TSNARE1: variants seen among roughly 807,000 people sequenced by gnomAD.
TSNARE1 encodes t-SNARE domain containing 1, also known as t-SNARE domain-containing protein 1.
A neutral mutation model predicts 62.0 loss-of-function variants in TSNARE1; 49 were observed. That is an observed-to-expected ratio of 0.79 (90% CI 0.63 to 1.00). The LOEUF (loss-of-function observed/expected upper bound fraction) is 1.00. Among genes scored for constraint, TSNARE1 ranks in the 50% least tolerant of loss-of-function variants. TSNARE1 has a pLI of 0.00. For synonymous variants in TSNARE1, 328 were observed against 294.4 expected, an observed-to-expected ratio of 1.11 and a Z score of -1.17; for missense variants, 755 against 700.1, an observed-to-expected ratio of 1.08 and a Z score of -0.88.
At chr8:142,229,257 T>G (rs545049519) in intron 13 of TSNARE1, among the ~76,000 whole-genome samples, 1 of 150,018 alleles carries the variant, frequency 6.7e-6, no homozygotes, top group East Asian at 2.0e-4. Context: ...AATGGATGGA[T>G]GGTGGATGGG....
chr8:142,285,398 G>A (rs1822548945), intron 10 of TSNARE1, among the ~76,000 whole-genome samples: 1 of 149,546 alleles, frequency 6.7e-6, no homozygotes. Context: ...ATGGATGGAT[G>A]GGTGGGTGGG....
At chr8:142,222,699 TCCAC>T (rs1563755827) in intron 13 of TSNARE1, among the ~76,000 whole-genome samples, 1 of 10,814 alleles carries the variant, frequency 9.2e-5, no homozygotes, top group Non-Finnish European at 2.3e-4. Context: ...CACTCACTCA[TCCAC>T]TCACTCACTC....
intron 12 of TSNARE1, chr8:142,270,499 TA>T (rs1239447698): frequency 2.4e-5 from 22 of 904,734 alleles, no homozygotes; most frequent in East Asian, 1.2e-4. Flanking sequence ...TATATATATA[TA>T]TATTTATGTA....
rs74362770 is a variant in TSNARE1, at chr8:142,390,616, G to A, written c.-40+12488C>T. 1.2e-4 allele frequency among the ~76,000 whole-genome samples: 4 copies of A among 33,050 alleles called. No individual in the cohort carries two copies. The Admixed American group carries it at 1.4e-3, about 12-fold the overall frequency. The allele number at this position is 33,050 out of a possible 152,430, so 21.7% of individuals were successfully genotyped here. On this transcript the variant is annotated intron_variant, in intron 1 of 13. Transcript: ENST00000524325. ...GCTGTACACTGCTGGGGACTCCATAGCAGACGCTGTACACTGCGGGGGACT... is the reference window on the plus strand; with the variant it reads ...GCTGTACACTGCTGGGGACTCCATAACAGACGCTGTACACTGCGGGGGACT...
At position 142,291,362 on chromosome 8, in the gene TSNARE1, G is replaced by A. The variant is rs1030563172; in HGVS notation, c.1291-6877C>T. Among the ~76,000 whole-genome samples the A allele has an allele frequency of 3.3e-5, 5 of 152,122 alleles. No homozygotes were observed. The highest frequency in any genetic ancestry group is 7.3e-5 in the Non-Finnish European group (5 of 68,048). ...AGCGATGGGCCTGCTCCAAGCCACC[G>A]TCATCTCTGACAAAATCAGAACGTA... On this transcript the variant is annotated intron_variant, in intron 10 of 13. Coordinates refer to ENST00000524325, the MANE Select transcript of TSNARE1 (RefSeq NM_145003.5). The surrounding 1 kb of genome is among the most constrained non-coding windows in gnomAD (Gnocchi z 4.8).
At chr8:142,258,333 A>T (rs1181846228) in intron 12 of TSNARE1, among the ~76,000 whole-genome samples, 7 of 152,092 alleles carry the variant, frequency 4.6e-5, no homozygotes, top group Non-Finnish European at 1.0e-4. Context: ...AAATGCACGC[A>T]CCCGCCCACT....
Position 142,344,400 on chromosome 8 carries a change from T to C in TSNARE1, c.311A>G (p.Asp104Gly). The C allele has an allele frequency of 6.3e-7, 1 of 1,587,338 alleles. No homozygotes were observed. Among genetic ancestry groups the C allele is most frequent in the Non-Finnish European group, 8.6e-7 (1 of 1,168,446 alleles). ...CCGGCCATGGGGCCCAGCAGCCGAG[T>C]CCTTCCTCGGGCCAATGGTGGGTGA... ...TSSPTIGPRK[D>G]SAAGPHGRMA... Residue 104 changes from aspartate (D) to glycine (G), a missense_variant, in exon 4 of 14, where the codon GAC becomes GGC. Asp to Gly is a moderately conservative substitution (Grantham distance 94). Transcript: ENST00000524325.
At chr8:142,384,566 C>T (rs1836984988) in intron 1 of TSNARE1, among the ~76,000 whole-genome samples, 2 of 152,170 alleles carry the variant, frequency 1.3e-5, no homozygotes, top group Non-Finnish European at 2.9e-5. Flanking sequence ...CATGCTAAGA[C>T]TATTCAGTGA....
At chr8:142,333,069 CG>C (rs1414061711) in intron 4 of TSNARE1, among the ~76,000 whole-genome samples, 1 of 152,206 alleles carries the variant, frequency 6.6e-6, no homozygotes, top group Non-Finnish European at 1.5e-5. Context: ...AGGCAATCCC[CG>C]GGGCCTCTGG....
chr8:142,318,353 G>A (rs370788744), intron 7 of TSNARE1, among the ~76,000 whole-genome samples, 191 bp downstream of exon 7: 57 of 152,334 alleles, frequency 3.7e-4, no homozygotes, highest in East Asian at 2.7e-3. Flanking sequence ...GTCAGCACAC[G>A]GCTGCTGCCT....
At chr8:142,362,738 C>G (rs929974766) in intron 1 of TSNARE1, among the ~76,000 whole-genome samples, 7 of 152,196 alleles carry the variant, frequency 4.6e-5, no homozygotes, top group African/African-American at 1.7e-4. Context: ...GACATTCACA[C>G]CACAGCACAG....
intron 12 of TSNARE1, 148 bp from the exon 13 acceptor site, chr8:142,229,727 G>A (rs73362784): frequency 0.013 from 8,952 of 667,940 alleles, 443 homozygotes; most frequent in African/African-American, 0.12. Flanking sequence ...TGTCTTTCAA[G>A]GGGCTCTGTC....
intron 4 of TSNARE1, among the ~76,000 whole-genome samples, chr8:142,340,086 C>T (rs972766019): frequency 6.6e-6 from 1 of 152,218 alleles, no homozygotes; most frequent in Non-Finnish European, 1.5e-5. Flanking sequence ...GTCGGGGCCT[C>T]ATGCTCCAGG....
chr8:142,310,028 TTTTC>T (rs1313481880), intron 9 of TSNARE1, among the ~76,000 whole-genome samples: 4 of 151,006 alleles, frequency 2.6e-5, no homozygotes, highest in Non-Finnish European at 4.4e-5. Flanking sequence ...ATCCCTGCGT[TTTTC>T]TTTTTTTAAT....
At chr8:142,354,807 G>C (rs1440318395) in intron 1 of TSNARE1, 44 bp from the exon 2 acceptor site, 1 of 1,192,544 alleles carries the variant, frequency 8.4e-7, no homozygotes, top group East Asian at 2.4e-5. Context: ...GGAAGACATG[G>C]GGATTAAAGC....
intron 10 of TSNARE1, among the ~76,000 whole-genome samples, chr8:142,287,890 AG>A (rs1823030032): frequency 6.6e-6 from 1 of 150,930 alleles, no homozygotes; most frequent in South Asian, 2.1e-4. Context: ...GCCAGATCTC[AG>A]GGACAGTGGG....
intron 12 of TSNARE1, chr8:142,270,218 C>T: frequency 4.1e-6 from 4 of 985,276 alleles, no homozygotes; most frequent in Non-Finnish European, 4.8e-6. Flanking sequence ...GCAGCCCCGC[C>T]AAGGGATCTC....
chr8:142,246,555 G>C (rs1817891044), intron 12 of TSNARE1, among the ~76,000 whole-genome samples: 1 of 152,132 alleles, frequency 6.6e-6, no homozygotes, highest in Non-Finnish European at 1.5e-5. Flanking sequence ...TGCTTAAAAG[G>C]TTGGGTCTTG....
chr8:142,332,104 G>A (rs769163427), intron 4 of TSNARE1, among the ~76,000 whole-genome samples: 2 of 152,222 alleles, frequency 1.3e-5, no homozygotes, highest in Non-Finnish European at 2.9e-5. Context: ...TCCATACACC[G>A]CAGCAGCTGG....
Sources: allele counts gnomAD v4.1 joint callset (sites outside exome capture counted in the v4.1 genomes callset), GRCh38; gene constraint gnomAD v4.1.1; non-coding constraint Gnocchi (gnomAD v3.1); transcripts MANE v1.5; gene names NCBI Gene and HGNC (gene_info 2026-07-23, HGNC 2026-07-21).